Variants in UBR7 observed in about 807,000 individuals in gnomAD.
The protein encoded by UBR7 is putative E3 ubiquitin-protein ligase UBR7.
In UBR7, 22 loss-of-function variants were observed where a neutral mutation model predicts 57.0. The ratio of observed to expected loss-of-function variants is 0.39; its 90% CI spans 0.28 to 0.55. UBR7 has a LOEUF of 0.55. Among genes scored for constraint, UBR7 ranks in the 20% least tolerant of loss-of-function variants. UBR7 has a pLI of 0.69. For synonymous variants in UBR7, 167 were observed against 179.8 expected, an observed-to-expected ratio of 0.93 and a Z score of 0.57; for missense variants, 395 against 513.2, an observed-to-expected ratio of 0.77 and a Z score of 2.23.
In UBR7 at chr14:93,225,499, G is replaced by A. The variant is rs1350012970; in HGVS notation, c.1186-1444G>A. On this transcript the variant is annotated intron_variant, in intron 10 of 10. Transcript: ENST00000013070. ...AAAAAAAAAATTAGGCTGGCATGGT[G>A]ACGTGTGCCTGTGGTCCCAGCTACT... Among the ~76,000 whole-genome samples, 9 of 151,508 alleles carry A rather than the reference G, an allele frequency of 5.9e-5. No individual in the cohort carries two copies. The East Asian group carries it at 1.8e-3, about 29-fold the overall frequency.
At chr14:93,218,423 AT>A (rs1053221113) in intron 6 of UBR7, 103 bp from the exon 7 acceptor site, 248 of 960,086 alleles carry the variant, frequency 2.6e-4, no homozygotes, top group Non-Finnish European at 3.8e-4. Context: ...AAAAAAAAAA[AT>A]AATAATAATA....
intron 6 of UBR7, among the ~76,000 whole-genome samples, 179 bp downstream of exon 6, chr14:93,215,460 A>C (rs1393883434): frequency 2.0e-5 from 3 of 152,114 alleles, no homozygotes; most frequent in African/African-American, 7.2e-5. Flanking sequence ...CCAACAAGAC[A>C]GATGGATCAC....
Position 93,207,393 on chromosome 14 carries a change from G to T in UBR7, c.102G>T (p.Ala34=), listed in dbSNP as rs1191650118. 6.4e-7 allele frequency: 1 copy of T among 1,554,756 alleles called. No individual in the cohort carries two copies. Reference sequence around the variant, plus strand: ...AGGACGAGGAGCTGGAGAATGAGGCGTGCGCTGTCCTGGGCGGCAGCGACT... The same window carrying T: ...AGGACGAGGAGCTGGAGAATGAGGCTTGCGCTGTCCTGGGCGGCAGCGACT... ...LEEDEELENE[A]CAVLGGSDSE... Residue 34 remains alanine, a synonymous_variant, in exon 1 of 11, where the codon GCG becomes GCT. Coordinates refer to ENST00000013070, the MANE Select transcript of UBR7 (RefSeq NM_175748.4).
At chr14:93,219,390 G>T in intron 8 of UBR7, 29 bp downstream of exon 8, 4 of 1,614,124 alleles carry the variant, frequency 2.5e-6, no homozygotes, top group Non-Finnish European at 3.4e-6. Flanking sequence ...CTCAGTGTTA[G>T]CATGTTTTGT....
chr14:93,211,587 C>T (rs983842171), intron 3 of UBR7, among the ~76,000 whole-genome samples: 3 of 151,706 alleles, frequency 2.0e-5, no homozygotes, highest in African/African-American at 4.8e-5. Flanking sequence ...TAAGGCTGGG[C>T]GTGGTGGCTC....
chr14:93,222,179 A>G (rs376514834), intron 9 of UBR7, 134 bp from the exon 10 acceptor site: 3 of 674,318 alleles, frequency 4.4e-6, no homozygotes, highest in South Asian at 1.7e-5. Context: ...ACGAGTTTCT[A>G]TGCAGCTTTC....
chr14:93,219,647 A>T, intron 8 of UBR7, among the ~76,000 whole-genome samples: 1 of 152,190 alleles, frequency 6.6e-6, no homozygotes, highest in East Asian at 1.9e-4. Context: ...TATCTTTGTT[A>T]TATCAAAGTT....
chr14:93,220,832 C>T (rs1894689318), intron 9 of UBR7, among the ~76,000 whole-genome samples: 1 of 151,760 alleles, frequency 6.6e-6, no homozygotes, highest in Admixed American at 6.6e-5. Context: ...CCCCCCACCA[C>T]CACCCAGCTG....
At position 93,228,456 on chromosome 14, in the gene UBR7, G is replaced by T. The variant is rs747761467; in HGVS notation, c.*1421G>T. The T allele has an allele frequency of 8.8e-6, 4 of 453,994 alleles. No homozygotes were observed. The highest frequency in any genetic ancestry group is 1.8e-5 in the Non-Finnish European group (4 of 226,802). The allele number at this position is 453,994 out of a possible 1,614,324, so 28.1% of individuals were successfully genotyped here. ...TACTCCTTATGTGTCCAGCATCTGT[G>T]TATTCATTCGAGTGCCCAATCCCTG... is the stretch of plus-strand genomic sequence containing the variant. On this transcript the variant is annotated 3_prime_UTR_variant, in exon 11 of 11. Coordinates refer to ENST00000013070, the MANE Select transcript of UBR7 (RefSeq NM_175748.4).
chr14:93,220,575 C>G (rs1894684665), intron 9 of UBR7, among the ~76,000 whole-genome samples, 164 bp downstream of exon 9: 1 of 152,088 alleles, frequency 6.6e-6, no homozygotes, highest in Non-Finnish European at 1.5e-5. Context: ...GCTGCTTTTA[C>G]CATTGAATCA....
Position 93,210,090 on chromosome 14 carries a change from T to TTTATTTATTTATTTAC in UBR7, c.284+143_284+144insATTTACTTATTTATTT, listed in dbSNP as rs1464923490. ...TGAAATTAATTAATTAATTTATTTA[T>TTTATTTATTTATTTAC]TTATTTATTTTGAGACGGAGTCTTG... On this transcript the variant is annotated intron_variant, in intron 2 of 10. Coordinates refer to ENST00000013070, the MANE Select transcript of UBR7 (RefSeq NM_175748.4). 1.4e-4 allele frequency: 85 copies of TTTATTTATTTATTTAC among 616,152 alleles called. No homozygotes were observed. In the African/African-American group the frequency reaches 1.7e-3, roughly 12 times the overall value. 38.2% of individuals were successfully genotyped at this position (616,152 alleles called of 1,614,324 possible). A position where few individuals can be genotyped will look rare whatever the true frequency, so the allele number is the denominator to read the frequency against.
At chr14:93,211,109 A>G (rs941189020) in intron 3 of UBR7, among the ~76,000 whole-genome samples, 1 of 151,962 alleles carries the variant, frequency 6.6e-6, no homozygotes, top group African/African-American at 2.4e-5. Flanking sequence ...GGTGGCACCC[A>G]GTCATCTACT....
At chr14:93,219,078 T>C (rs1595268436) in intron 7 of UBR7, 134 bp from the exon 8 acceptor site, 1 of 1,081,748 alleles carries the variant, frequency 9.2e-7, no homozygotes, top group Non-Finnish European at 1.3e-6. Flanking sequence ...AAAACTGAAG[T>C]GGAATTAATT....
At chr14:93,215,718 A>G (rs1372987065) in intron 6 of UBR7, among the ~76,000 whole-genome samples, 5 of 150,638 alleles carry the variant, frequency 3.3e-5, no homozygotes, top group African/African-American at 9.8e-5. Flanking sequence ...AAAGAATAGT[A>G]TGTGTTCTTT....
intron 1 of UBR7, among the ~76,000 whole-genome samples, chr14:93,209,577 A>G (rs1412689990): frequency 6.6e-6 from 1 of 152,208 alleles, no homozygotes; most frequent in Non-Finnish European, 1.5e-5. Flanking sequence ...TTATCTCTGC[A>G]AAAAATAAAT....
intron 10 of UBR7, 79 bp from the exon 11 acceptor site, chr14:93,226,864 C>T: frequency 1.1e-6 from 1 of 879,036 alleles, no homozygotes; most frequent in Non-Finnish European, 1.9e-6. Context: ...TATCATTTGA[C>T]TTGTTTGTGA....
intron 1 of UBR7, 124 bp from the exon 2 acceptor site, chr14:93,209,700 T>C: frequency 7.7e-7 from 1 of 1,294,866 alleles, no homozygotes; most frequent in Non-Finnish European, 1.1e-6. Context: ...TTAGTCTTAA[T>C]GGTTTTTACA....
chr14:93,207,535 C>T, intron 1 of UBR7, 94 bp downstream of exon 1: 1 of 1,447,006 alleles, frequency 6.9e-7, no homozygotes, highest in Admixed American at 2.7e-5. Flanking sequence ...CCGCAGTCGT[C>T]TCCCCAGTGG....
intron 7 of UBR7, 97 bp from the exon 8 acceptor site, chr14:93,219,115 A>G (rs1305076027): frequency 4.2e-6 from 6 of 1,428,306 alleles, no homozygotes; most frequent in Middle Eastern, 4.3e-4. Flanking sequence ...TTGGATTTCA[A>G]TTTTATCCTT....
Sources: allele counts gnomAD v4.1 joint callset (sites outside exome capture counted in the v4.1 genomes callset), GRCh38; gene constraint gnomAD v4.1.1; transcripts MANE v1.5; gene names NCBI Gene and HGNC (gene_info 2026-07-23, HGNC 2026-07-21).